Variants in YEATS4 observed in about 807,000 individuals in gnomAD.
YEATS4 encodes YEATS domain-containing protein 4.
In YEATS4, 17 loss-of-function variants were observed where a neutral mutation model predicts 30.1. The ratio of observed to expected loss-of-function variants is 0.56; its 90% CI spans 0.39 to 0.85. The LOEUF (loss-of-function observed/expected upper bound fraction) is 0.85. Among genes scored for constraint, YEATS4 ranks in the 40% least tolerant of loss-of-function variants. The pLI is 0.00. For synonymous variants in YEATS4, 85 were observed against 87.5 expected (o/e 0.97, Z 0.16); for missense variants, 142 against 268.3 (o/e 0.53, Z 3.29).
chr12:69,422,023 G>A, the YEATS4 span, among the ~76,000 whole-genome samples: 1 of 152,174 alleles, frequency 6.6e-6, no homozygotes. Context: ...GTAAGACAGT[G>A]CAAGGGTATC....
downstream of YEATS4, among the ~76,000 whole-genome samples, chr12:69,391,510 C>G (rs897058431): frequency 6.6e-6 from 1 of 152,144 alleles, no homozygotes; most frequent in African/African-American, 2.4e-5. Flanking sequence ...AACCTAGGAA[C>G]AAAAATACTT....
chr12:69,383,122 G>T (rs1046156359), intron 6 of YEATS4, among the ~76,000 whole-genome samples: 2 of 152,088 alleles, frequency 1.3e-5, no homozygotes, highest in Admixed American at 1.3e-4. Context: ...TAATTTTCTG[G>T]GTGTGGTGGC....
rs1875408193 is a variant in YEATS4 at position 69,365,847 on chromosome 12, T to C, written c.296T>C (p.Ile99Thr). Residue 99 changes from isoleucine (I) to threonine (T), a missense_variant, in exon 4 of 7, where the codon ATC becomes ACC. Coordinates refer to ENST00000247843, the MANE Select transcript of YEATS4 (RefSeq NM_006530.4). ...ACAGGATGGGGTGAATTCGAAATAA[T>C]CATCAAAATATTTTTCATTGACCCT... ...TETGWGEFEI[I>T]IKIFFIDPNE... 6.2e-7 allele frequency: 1 copy of C among 1,610,372 alleles called. No individual in the cohort carries two copies. The highest frequency in any genetic ancestry group is 2.2e-5 in the East Asian group (1 of 44,698).
intron 6 of YEATS4, among the ~76,000 whole-genome samples, chr12:69,380,865 C>A (rs1253540277): frequency 1.3e-5 from 2 of 152,120 alleles, no homozygotes; most frequent in Admixed American, 1.3e-4. Context: ...AGCCACAAAA[C>A]CAGCAAGTTT....
At chr12:69,388,830 C>T (rs1318780076) in intron 6 of YEATS4, among the ~76,000 whole-genome samples, 18 of 152,114 alleles carry the variant, frequency 1.2e-4, no homozygotes, top group Admixed American at 8.5e-4. Flanking sequence ...GGTGTGGTGG[C>T]TCACACCTGT....
chr12:69,400,615 A>C, the YEATS4 span, among the ~76,000 whole-genome samples: 2 of 152,072 alleles, frequency 1.3e-5, no homozygotes, highest in Non-Finnish European at 2.9e-5. Flanking sequence ...TGGGAGGCTA[A>C]GGCATGAGGA....
the YEATS4 span, among the ~76,000 whole-genome samples, chr12:69,413,798 G>A: frequency 6.6e-6 from 1 of 150,666 alleles, no homozygotes; most frequent in Non-Finnish European, 1.5e-5. Context: ...GTTGCAGTAA[G>A]CTGAGATCGC....
intron 4 of YEATS4, among the ~76,000 whole-genome samples, chr12:69,366,624 A>G (rs900480368): frequency 3.3e-5 from 5 of 152,136 alleles, no homozygotes; most frequent in Non-Finnish European, 4.4e-5. Flanking sequence ...GTAGGGTCAA[A>G]ACTCAGTAAT....
In YEATS4 at chr12:69,390,484, A is replaced by G. The variant is rs79423748; in HGVS notation, c.*168A>G. 39 of 537,826 alleles carry G rather than the reference A, an allele frequency of 7.3e-5. No homozygotes were observed. The East Asian group carries it at 1.4e-3, about 19-fold the overall frequency. 33.3% of individuals were successfully genotyped at this position (537,826 alleles called of 1,614,324 possible). ...AATTTGTACTATTTAAGCAATCTTT[A>G]ATGGAAAATATGTGTGTAAGAATGG... On this transcript the variant is annotated 3_prime_UTR_variant, in exon 7 of 7. Transcript: ENST00000247843.
the YEATS4 span, among the ~76,000 whole-genome samples, chr12:69,397,117 C>T: frequency 6.6e-6 from 1 of 152,112 alleles, no homozygotes. Flanking sequence ...AATCCAGCAA[C>T]ATAAAAAGGA....
At chr12:69,360,178 C>G (rs769508630) in intron 1 of YEATS4, among the ~76,000 whole-genome samples, 155 bp downstream of exon 1, 43 of 151,990 alleles carry the variant, frequency 2.8e-4, no homozygotes, top group Non-Finnish European at 5.1e-4. Context: ...AGCCATTGAG[C>G]GAAAAACCGG....
chr12:69,375,122 C>T (rs1276773646), intron 6 of YEATS4, among the ~76,000 whole-genome samples: 3 of 148,504 alleles, frequency 2.0e-5, no homozygotes, highest in East Asian at 2.0e-4. Flanking sequence ...GGCTGCTGGG[C>T]GGAGGGGCTC....
chr12:69,419,805 T>C, the YEATS4 span, among the ~76,000 whole-genome samples: 1 of 152,194 alleles, frequency 6.6e-6, no homozygotes, highest in African/African-American at 2.4e-5. Flanking sequence ...ACAGATGGCA[T>C]TGCTAGTAAG....
the YEATS4 span, among the ~76,000 whole-genome samples, chr12:69,399,584 A>C: frequency 6.6e-6 from 1 of 152,232 alleles, no homozygotes; most frequent in Non-Finnish European, 1.5e-5. Context: ...AAAGTTTCAG[A>C]GTTCCTTAAA....
In YEATS4 at chr12:69,359,928, C is replaced by A; in HGVS notation, c.-45C>A. On this transcript the variant is annotated 5_prime_UTR_variant, in exon 1 of 7. Transcript: ENST00000247843. ...TGAGGGGAGCGGCGACCCCGCCAGC[C>A]CCGGTCTCTTTCCCTGGCGGCGGCG... 1 of 1,610,812 alleles carries A rather than the reference C, an allele frequency of 6.2e-7. No homozygotes were observed. Among genetic ancestry groups the A allele is most frequent in the Non-Finnish European group, 8.5e-7 (1 of 1,178,134 alleles).
intron 6 of YEATS4, among the ~76,000 whole-genome samples, chr12:69,388,303 ATTAC>A (rs2121072527): frequency 6.6e-6 from 1 of 152,314 alleles, no homozygotes; most frequent in East Asian, 1.9e-4. Flanking sequence ...TTTACATATA[ATTAC>A]TTCATGTAAT....
intron 2 of YEATS4, chr12:69,364,353 A>C: frequency 4.5e-6 from 1 of 221,772 alleles, no homozygotes; most frequent in East Asian, 1.4e-4. Context: ...GTTAGATATG[A>C]ATGTAGATAT....
intron 6 of YEATS4, among the ~76,000 whole-genome samples, chr12:69,387,542 A>G (rs1311559661): frequency 6.6e-6 from 1 of 152,224 alleles, no homozygotes; most frequent in African/African-American, 2.4e-5. Context: ...GTGTACATCA[A>G]TAGGGGGCAG....
chr12:69,377,489 G>C (rs990391541), intron 6 of YEATS4, among the ~76,000 whole-genome samples: 1 of 151,618 alleles, frequency 6.6e-6, no homozygotes, highest in African/African-American at 2.4e-5. Flanking sequence ...TTGAACTCTT[G>C]TCCTCAAGCG....
Sources: allele counts gnomAD v4.1 joint callset (sites outside exome capture counted in the v4.1 genomes callset), GRCh38; gene constraint gnomAD v4.1.1; transcripts MANE v1.5; gene names NCBI Gene and HGNC (gene_info 2026-07-23, HGNC 2026-07-21).